Variants in CYP2C19 observed in about 807,000 individuals in gnomAD.
CYP2C19 encodes cytochrome P450 2C19.
Under a neutral mutation model 40.9 loss-of-function variants are expected in CYP2C19, and 59 were observed. That is an observed-to-expected ratio of 1.44 (90% confidence interval 1.17 to 1.79). CYP2C19 has a LOEUF of 1.79. Ranked by LOEUF, CYP2C19 falls within the 40% of genes most tolerant of loss-of-function variation. The pLI, the probability that CYP2C19 is intolerant of heterozygous loss-of-function variation, is 0.00. For missense variants in CYP2C19, 754 were observed against 596.9 expected (o/e 1.26, Z -2.74); for synonymous variants, 253 against 208.7 (o/e 1.21, Z -1.83).
chr10:94,852,745 G>C lies in CYP2C19; in HGVS notation c.1304G>C (p.Cys435Ser). 6.2e-7 allele frequency: 1 copy of C among 1,613,950 alleles called. No homozygotes were observed. Among genetic ancestry groups the C allele is most frequent in the South Asian group, 1.1e-5 (1 of 91,074 alleles). ...TTGTTATTTTCAGGAAAACGGATTT[G>C]TGTGGGAGAGGGCCTGGCCCGCATG... ...FMPFSAGKRI[C>S]VGEGLARMEL... The change falls in exon 9 of 9, where the codon TGT (cysteine) becomes TCT (serine). Residue 435 changes from cysteine to serine, a missense_variant. Physicochemically the swap from Cys to Ser is moderately radical, Grantham distance 112. Coordinates refer to ENST00000371321, the MANE Select transcript of CYP2C19 (RefSeq NM_000769.4).
intron 5 of CYP2C19, among the ~76,000 whole-genome samples, chr10:94,813,366 C>T (rs921806443): frequency 2.0e-5 from 3 of 151,722 alleles, no homozygotes; most frequent in Non-Finnish European, 2.9e-5. Context: ...TTAAGTCTGC[C>T]GAAGCTGCAC....
intron 5 of CYP2C19, among the ~76,000 whole-genome samples, chr10:94,807,132 A>G (rs12772672): frequency 0.17 from 26,301 of 152,096 alleles, 2,512 homozygotes; most frequent in South Asian, 0.33. Context: ...GAATAAGAAC[A>G]TGCGTTATTT....
intron 5 of CYP2C19, among the ~76,000 whole-genome samples, chr10:94,813,640 C>G (rs538876351): frequency 1.3e-5 from 2 of 151,896 alleles, no homozygotes; most frequent in Non-Finnish European, 2.9e-5. Flanking sequence ...ACACCCCCCC[C>G]AAGCTCGAAC....
intron 6 of CYP2C19, among the ~76,000 whole-genome samples, chr10:94,823,925 C>T (rs1471903551): frequency 6.6e-6 from 1 of 152,142 alleles, no homozygotes; most frequent in Non-Finnish European, 1.5e-5. Context: ...TAGAAAACAA[C>T]TACTTCAGAA....
chr10:94,795,799 CT>C lies in CYP2C19; in HGVS notation c.819+13804del, dbSNP rs1848676338. ...ATGTGTCTTTTGGCTGCATAAATGT[CT>C]TCTTTTGAGAAGTGTCTGTTCATAT... On this transcript the variant is annotated intron_variant, in intron 5 of 8. Transcript: ENST00000371321. Among the ~76,000 whole-genome samples the C allele has an allele frequency of 7.9e-5, 12 of 152,204 alleles. 1 individual carries two copies. Among genetic ancestry groups the C allele is most frequent in the Admixed American group, 6.5e-4 (10 of 15,300 alleles).
At chr10:94,841,108 T>C (rs893578115) in intron 6 of CYP2C19, among the ~76,000 whole-genome samples, 1 of 152,204 alleles carries the variant, frequency 6.6e-6, no homozygotes, top group Non-Finnish European at 1.5e-5. Flanking sequence ...CTTCGTGTTC[T>C]CTGACCTGGG....
chr10:94,849,042 A>G (rs577653785), intron 7 of CYP2C19, among the ~76,000 whole-genome samples: 1 of 152,104 alleles, frequency 6.6e-6, no homozygotes, highest in Non-Finnish European at 1.5e-5. Flanking sequence ...ATTAGACTTC[A>G]TCTTTTCCTA....
chr10:94,851,626 T>C (rs528092701), intron 8 of CYP2C19, among the ~76,000 whole-genome samples: 6 of 152,270 alleles, frequency 3.9e-5, no homozygotes, highest in Admixed American at 6.5e-5. Flanking sequence ...AATTCCAAGA[T>C]TGAGGTGTCA....
chr10:94,824,566 A>T (rs1325063961), intron 6 of CYP2C19, among the ~76,000 whole-genome samples: 2 of 152,200 alleles, frequency 1.3e-5, no homozygotes, highest in Non-Finnish European at 2.9e-5. Flanking sequence ...TAATGTTTAA[A>T]CGTGTTATTT....
intron 6 of CYP2C19, among the ~76,000 whole-genome samples, chr10:94,823,768 A>G (rs1428272974): frequency 1.3e-5 from 2 of 152,210 alleles, no homozygotes; most frequent in African/African-American, 4.8e-5. Flanking sequence ...CCAAAATTTT[A>G]CCTTCTATTG....
At chr10:94,846,454 T>A (rs1352742460) in intron 7 of CYP2C19, among the ~76,000 whole-genome samples, 1 of 152,170 alleles carries the variant, frequency 6.6e-6, no homozygotes, top group Non-Finnish European at 1.5e-5. Flanking sequence ...ATCTGCCAGA[T>A]CTCTCCATTG....
At chr10:94,794,768 T>G (rs1178686589) in intron 5 of CYP2C19, among the ~76,000 whole-genome samples, 1 of 152,158 alleles carries the variant, frequency 6.6e-6, no homozygotes, top group African/African-American at 2.4e-5. Flanking sequence ...CCTGAGACTT[T>G]GCTGAAGTTG....
chr10:94,849,497 A>T (rs1849620208), intron 7 of CYP2C19, among the ~76,000 whole-genome samples: 1 of 151,922 alleles, frequency 6.6e-6, no homozygotes, highest in South Asian at 2.1e-4. Flanking sequence ...TATTATCATT[A>T]TACTTTAAGT....
intron 6 of CYP2C19, among the ~76,000 whole-genome samples, chr10:94,841,701 A>G (rs1156933257): frequency 6.6e-6 from 1 of 152,010 alleles, no homozygotes; most frequent in African/African-American, 2.4e-5. Context: ...TTCCATTATC[A>G]TTTGTTTCAA....
intron 6 of CYP2C19, among the ~76,000 whole-genome samples, chr10:94,821,114 GA>G (rs1347250063): frequency 1.3e-5 from 2 of 152,016 alleles, no homozygotes; most frequent in South Asian, 4.1e-4. Context: ...GAAAAGAAAA[GA>G]AAAAAAGGAC....
chr10:94,773,014 C>T lies in CYP2C19; in HGVS notation c.169-2044C>T, dbSNP rs570691556. ...GCCAGGATGGTCTCGATCTGCTGAC[C>T]TCATGATCCACCCGCCTCGGCCTCC... is the stretch of plus-strand genomic sequence containing the variant. On this transcript the variant is annotated intron_variant, in intron 1 of 8. Transcript: ENST00000371321. Among the ~76,000 whole-genome samples the T allele has an allele frequency of 3.9e-5, 6 of 152,262 alleles. No individual in the cohort carries two copies. The South Asian group carries it at 1.2e-3, about 32-fold the overall frequency.
At chr10:94,835,575 TC>T (rs1332607694) in intron 6 of CYP2C19, among the ~76,000 whole-genome samples, 2 of 152,208 alleles carry the variant, frequency 1.3e-5, no homozygotes, top group Non-Finnish European at 2.9e-5. Flanking sequence ...GCGGTTCCCT[TC>T]TATTTTCCTT....
intron 5 of CYP2C19, among the ~76,000 whole-genome samples, chr10:94,809,167 G>A (rs766796648): frequency 6.6e-6 from 1 of 152,040 alleles, no homozygotes; most frequent in Non-Finnish European, 1.5e-5. Context: ...GTTTTTATTT[G>A]CGCTTCTCAG....
chr10:94,830,595 A>C (rs1267525398), intron 6 of CYP2C19, among the ~76,000 whole-genome samples: 1 of 152,156 alleles, frequency 6.6e-6, no homozygotes, highest in Non-Finnish European at 1.5e-5. Flanking sequence ...CTCAGATGGA[A>C]ATGCAGAAAT....
Sources: gnomAD v4.1 joint callset for allele counts (sites outside exome capture counted in the v4.1 genomes callset) on GRCh38, gnomAD v4.1.1 for gene constraint, MANE v1.5 for transcripts, NCBI Gene and HGNC (gene_info 2026-07-23, HGNC 2026-07-21) for gene names.